The following CRAMP1 variants were observed in gnomAD, a reference collection of about 807,000 sequenced individuals.
CRAMP1 encodes cramped chromatin regulator 1.
CRAMP1 carries 50 observed loss-of-function variants against 115.4 expected under a neutral mutation model. The observed-to-expected ratio is 0.43, with a 90% CI of 0.35 to 0.55. The LOEUF is 0.55. Ranked by LOEUF, CRAMP1 falls within the 20% of genes least tolerant of loss-of-function variation. The probability of loss-of-function intolerance (pLI) is 0.01; values close to 1 mark genes in which losing one functional copy is unlikely to be tolerated. For synonymous variants in CRAMP1, 866 were observed against 745.4 expected (o/e 1.16, Z -2.64); for missense variants, 1,679 against 1,721.7 (o/e 0.98, Z 0.44).
Position 1,673,986 on chromosome 16 carries a change from C to A in CRAMP1, c.3751C>A (p.Arg1251=). Residue 1251 remains arginine, a synonymous_variant, in exon 21 of 21, where the codon CGA becomes AGA. Coordinates refer to ENST00000397412, the MANE Select transcript of CRAMP1 (RefSeq NM_020825.4). ...QELSIAEPGR[R]EALFDGGGGG... Reference sequence around the variant, plus strand: ...GCTGTCCATCGCTGAGCCTGGCCGCCGAGAAGCTCTGTTTGATGGTGGTGG... The same window carrying A: ...GCTGTCCATCGCTGAGCCTGGCCGCAGAGAAGCTCTGTTTGATGGTGGTGG... The A allele has an allele frequency of 6.2e-7, 1 of 1,612,914 alleles. No homozygotes were observed. The highest frequency in any genetic ancestry group is 8.5e-7 in the Non-Finnish European group (1 of 1,179,888).
intron 19 of CRAMP1, chr16:1,670,452 A>C (rs1339278255): frequency 3.7e-6 from 2 of 538,120 alleles, no homozygotes; most frequent in Non-Finnish European, 6.6e-6. Flanking sequence ...CGTGGAAAAC[A>C]AGGTGCATGT....
At chr16:1,660,141 TGA>T in intron 11 of CRAMP1, 78 bp downstream of exon 11, 1 of 1,295,606 alleles carries the variant, frequency 7.7e-7, no homozygotes, top group South Asian at 1.5e-5. Flanking sequence ...GTGCCGAAGC[TGA>T]GAGCACAGGT....
At chr16:1,644,043 G>A (rs1443100367) in intron 6 of CRAMP1, among the ~76,000 whole-genome samples, 1 of 152,226 alleles carries the variant, frequency 6.6e-6, no homozygotes, top group African/African-American at 2.4e-5. Flanking sequence ...AAGAAAAGGT[G>A]AGCTCAGGTG....
intron 3 of CRAMP1, among the ~76,000 whole-genome samples, chr16:1,631,301 C>T (rs1045606691): frequency 3.3e-5 from 5 of 152,230 alleles, no homozygotes; most frequent in African/African-American, 1.2e-4. Flanking sequence ...CTTTCTCGCC[C>T]CGTTGGTTCC....
chr16:1,625,875 A>C, intron 2 of CRAMP1, 98 bp from the exon 3 acceptor site: 1 of 1,204,166 alleles, frequency 8.3e-7, no homozygotes, highest in East Asian at 2.6e-5. Context: ...GTGGAGTGGG[A>C]CCTCAGGGCA....
Position 1,656,293 on chromosome 16 carries a change from T to C in CRAMP1, c.1536T>C (p.Pro512=). The C allele has an allele frequency of 6.2e-7, 1 of 1,611,906 alleles. No individual in the cohort carries two copies. Among genetic ancestry groups the C allele is most frequent in the South Asian group, 1.1e-5 (1 of 91,020 alleles). ...GCAGCCCGGACGCTCCTGACAGGCC[T>C]CCTCCCAGGCACCAGGACACTGGGC... ...SLSSPDAPDR[P]PPRHQDTGPC... Residue 512 remains proline (P), a synonymous_variant, in exon 10 of 21, where the codon CCT becomes CCC. Transcript: ENST00000397412. The surrounding 1 kb of genome is among the most constrained non-coding windows in gnomAD (Gnocchi z 5.6).
At chr16:1,615,300 G>C (rs1238393628) in intron 2 of CRAMP1, among the ~76,000 whole-genome samples, 1 of 152,192 alleles carries the variant, frequency 6.6e-6, no homozygotes, top group South Asian at 2.1e-4. Context: ...TTCAAACAGC[G>C]GACAATAGTT....
rs184983060 is a variant in CRAMP1, at chr16:1,621,030, T to A, written c.347-4943T>A. ...GCGAGGACAGGAAGAAGCAGGGCAT[T>A]TGAATGCATTTTAAGGTGCCATTTA... On this transcript the variant is annotated intron_variant, in intron 2 of 20. Transcript: ENST00000397412. Among the ~76,000 whole-genome samples the A allele has an allele frequency of 2.6e-5, 4 of 152,292 alleles. No homozygotes were observed. In the East Asian group the frequency reaches 7.7e-4, roughly 29 times the overall value.
At chr16:1,655,119 C>A in intron 8 of CRAMP1, 100 bp from the exon 9 acceptor site, 1 of 1,057,182 alleles carries the variant, frequency 9.5e-7, no homozygotes, top group Non-Finnish European at 1.5e-6. Flanking sequence ...GGTCCCTTGT[C>A]TCTTTTGGCA....
At chr16:1,644,778 C>T (rs1269078927) in intron 6 of CRAMP1, among the ~76,000 whole-genome samples, 1 of 152,164 alleles carries the variant, frequency 6.6e-6, no homozygotes, top group East Asian at 1.9e-4. Context: ...GCCCCTCGTT[C>T]TGGGTAAAAC....
chr16:1,621,658 A>G (rs1474786317), intron 2 of CRAMP1, among the ~76,000 whole-genome samples: 1 of 152,130 alleles, frequency 6.6e-6, no homozygotes, highest in Non-Finnish European at 1.5e-5. Flanking sequence ...GTCACTGAGC[A>G]CTTGCTGTGT....
In CRAMP1 at chr16:1,619,068, CAG is replaced by C. The variant is rs557812859; in HGVS notation, c.346+4084_346+4085del. 2.0e-4 allele frequency among the ~76,000 whole-genome samples: 31 copies of C among 152,284 alleles called. 1 individual carries two copies. In the South Asian group the frequency reaches 3.9e-3, roughly 19 times the overall value. ...TATTGTGGCTTATGTAAGGATATAACAGGGAGATGATTCATGATTGCAAAGTC... is the reference window on the plus strand; with the variant it reads ...TATTGTGGCTTATGTAAGGATATAACGGAGATGATTCATGATTGCAAAGTC... On this transcript the variant is annotated intron_variant, in intron 2 of 20. Transcript: ENST00000397412.
chr16:1,650,622 A>G (rs972546860), intron 6 of CRAMP1, among the ~76,000 whole-genome samples: 1 of 152,236 alleles, frequency 6.6e-6, no homozygotes, highest in Non-Finnish European at 1.5e-5. Context: ...GTAAGTGTAC[A>G]GGTACAAATA....
At chr16:1,644,994 A>G (rs972926302) in intron 6 of CRAMP1, among the ~76,000 whole-genome samples, 1 of 149,424 alleles carries the variant, frequency 6.7e-6, no homozygotes, top group Non-Finnish European at 1.5e-5. Flanking sequence ...GATCCTTCAC[A>G]CCTGACCCAT....
chr16:1,625,935 T>C, intron 2 of CRAMP1, 38 bp from the exon 3 acceptor site: 1 of 1,548,524 alleles, frequency 6.5e-7, no homozygotes, highest in East Asian at 2.5e-5. Context: ...CCCGCCAGCT[T>C]TCTGGAACAG....
intron 10 of CRAMP1, 74 bp from the exon 11 acceptor site, chr16:1,659,812 T>G: frequency 7.2e-7 from 1 of 1,389,558 alleles, no homozygotes; most frequent in Non-Finnish European, 1.0e-6. Flanking sequence ...TTCTTGTGCC[T>G]CCTACTCCAG....
chr16:1,635,189 C>T lies in CRAMP1; in HGVS notation c.695-2635C>T, dbSNP rs532952032. On this transcript the variant is annotated intron_variant, in intron 4 of 20. Transcript: ENST00000397412. ...CAAGGATTACAGGCGTGAGCCACCACGCCTGGCCTGTGCTTTGGAGTTTTG... is the reference window on the plus strand; with the variant it reads ...CAAGGATTACAGGCGTGAGCCACCATGCCTGGCCTGTGCTTTGGAGTTTTG... Among the ~76,000 whole-genome samples the T allele has an allele frequency of 1.2e-4, 18 of 152,306 alleles. No homozygotes were observed. The South Asian group carries it at 1.9e-3, about 16-fold the overall frequency.
chr16:1,642,887 G>A (rs2142187384), intron 6 of CRAMP1, among the ~76,000 whole-genome samples: 1 of 152,350 alleles, frequency 6.6e-6, no homozygotes, highest in South Asian at 2.1e-4. Flanking sequence ...CGTTCCTTTT[G>A]CCAAAACACA....
At chr16:1,627,161 T>C (rs1441389655) in intron 3 of CRAMP1, among the ~76,000 whole-genome samples, 2 of 152,154 alleles carry the variant, frequency 1.3e-5, no homozygotes, top group Admixed American at 6.6e-5. Flanking sequence ...TTTTTTTTTT[T>C]TGGAGATGGA....
Sources: allele counts gnomAD v4.1 joint callset (sites outside exome capture counted in the v4.1 genomes callset), GRCh38; gene constraint gnomAD v4.1.1; non-coding constraint Gnocchi (gnomAD v3.1); transcripts MANE v1.5; gene names NCBI Gene and HGNC (gene_info 2026-07-23, HGNC 2026-07-21).